Variants in TNRC6A observed in about 807,000 individuals in gnomAD.
The protein encoded by TNRC6A is trinucleotide repeat containing adaptor 6A.
A neutral mutation model predicts 221.2 loss-of-function variants in TNRC6A; 44 were observed. That is an observed-to-expected ratio of 0.20 (90% CI 0.16 to 0.26). TNRC6A has a LOEUF of 0.26. TNRC6A is among the 10% of genes least tolerant of loss of function. The pLI is 1.00. For synonymous variants in TNRC6A, 847 were observed against 838.5 expected (o/e 1.01, Z -0.18); for missense variants, 2,199 against 2,404.4 (o/e 0.91, Z 1.79).
At chr16:24,685,491 A>C (rs2055609056) in intron 2 of TNRC6A, among the ~76,000 whole-genome samples, 1 of 152,020 alleles carries the variant, frequency 6.6e-6, no homozygotes, top group African/African-American at 2.4e-5. Context: ...CACGCACCAC[A>C]ATGCCCGGTG....
intron 2 of TNRC6A, among the ~76,000 whole-genome samples, chr16:24,703,426 T>G (rs2056028845): frequency 6.6e-6 from 1 of 152,294 alleles, no homozygotes; most frequent in African/African-American, 2.4e-5. Context: ...ATGTGCTAAA[T>G]TTTGTTAGCT....
intron 23 of TNRC6A, 124 bp downstream of exon 23, chr16:24,822,271 G>T: frequency 2.2e-6 from 2 of 919,430 alleles, no homozygotes; most frequent in Non-Finnish European, 3.4e-6. Flanking sequence ...AAACAGCAGA[G>T]GAGTGGTCTG....
intron 4 of TNRC6A, among the ~76,000 whole-genome samples, chr16:24,771,135 G>A (rs1218080046): frequency 5.9e-5 from 9 of 152,126 alleles, no homozygotes; most frequent in Admixed American, 5.9e-4. Context: ...ATGGAAAATA[G>A]AACAATTTTT....
At chr16:24,712,503 G>A (rs2056223685) in intron 2 of TNRC6A, among the ~76,000 whole-genome samples, 1 of 152,104 alleles carries the variant, frequency 6.6e-6, no homozygotes, top group African/African-American at 2.4e-5. Flanking sequence ...AAACGCCTCA[G>A]TACATTTGTA....
intron 2 of TNRC6A, among the ~76,000 whole-genome samples, chr16:24,681,778 T>C (rs1462006255): frequency 6.6e-6 from 1 of 152,288 alleles, no homozygotes; most frequent in East Asian, 1.9e-4. Context: ...AATTAATTAG[T>C]CAACTACTGA....
At chr16:24,621,042 C>G (rs981414774) in intron 1 of TNRC6A, among the ~76,000 whole-genome samples, 11 of 143,008 alleles carry the variant, frequency 7.7e-5, no homozygotes, top group African/African-American at 2.6e-4. Flanking sequence ...CGAGATCACA[C>G]CATTGCACTC....
intron 8 of TNRC6A, 74 bp downstream of exon 8, chr16:24,794,793 C>T (rs967171819): frequency 8.9e-6 from 13 of 1,460,824 alleles, no homozygotes; most frequent in African/African-American, 7.2e-5. Context: ...ATTAACTTTT[C>T]GCCTGCCCAT....
chr16:24,657,785 A>G (rs1371690671), intron 2 of TNRC6A, among the ~76,000 whole-genome samples: 2 of 152,040 alleles, frequency 1.3e-5, no homozygotes, highest in Admixed American at 6.6e-5. Context: ...CTGTAAGAGA[A>G]TATTTTGTCA....
chr16:24,615,141 G>A (rs2141553280), intron 1 of TNRC6A, among the ~76,000 whole-genome samples: 1 of 152,274 alleles, frequency 6.6e-6, no homozygotes, highest in Middle Eastern at 3.4e-3. Context: ...TGAGAATAAT[G>A]TGTAAGAGGT....
chr16:24,767,353 C>T (rs1026462074), intron 4 of TNRC6A, among the ~76,000 whole-genome samples: 9 of 152,114 alleles, frequency 5.9e-5, no homozygotes, highest in Non-Finnish European at 2.9e-5. Context: ...ATTTAGTATC[C>T]TTAAACTAAA....
intron 1 of TNRC6A, among the ~76,000 whole-genome samples, chr16:24,640,604 C>T (rs977060609): frequency 1.3e-5 from 2 of 150,908 alleles, no homozygotes; most frequent in Non-Finnish European, 3.0e-5. Flanking sequence ...TGGTGCACGC[C>T]TTTGGTCCCA....
chr16:24,735,459 A>G (rs150066982), intron 2 of TNRC6A, among the ~76,000 whole-genome samples: 3 of 152,214 alleles, frequency 2.0e-5, no homozygotes, highest in African/African-American at 4.8e-5. Context: ...AGGCCAACAC[A>G]TGCATATTGC....
At chr16:24,681,956 A>T (rs1000267201) in intron 2 of TNRC6A, among the ~76,000 whole-genome samples, 8 of 152,316 alleles carry the variant, frequency 5.3e-5, no homozygotes, top group Middle Eastern at 3.4e-3. Context: ...GTACTATATT[A>T]TATTCCCGCC....
upstream of TNRC6A, among the ~76,000 whole-genome samples, chr16:24,727,562 C>T (rs2056513286): frequency 6.6e-6 from 1 of 151,742 alleles, no homozygotes; most frequent in African/African-American, 2.4e-5. Context: ...GGGATGGGGG[C>T]AACATTGTCC....
chr16:24,633,982 G>A (rs1188082916), intron 1 of TNRC6A, among the ~76,000 whole-genome samples: 1 of 151,484 alleles, frequency 6.6e-6, no homozygotes, highest in Non-Finnish European at 1.5e-5. Context: ...GTTTTGCCAT[G>A]TTGACCAGGC....
chr16:24,648,569 C>T (rs1158822552), intron 2 of TNRC6A, among the ~76,000 whole-genome samples: 5 of 152,134 alleles, frequency 3.3e-5, no homozygotes, highest in South Asian at 2.1e-4. Flanking sequence ...CGCGCCCGGC[C>T]CACAGCAACC....
chr16:24,620,325 C>T (rs1026674344), intron 1 of TNRC6A, among the ~76,000 whole-genome samples: 4 of 152,026 alleles, frequency 2.6e-5, no homozygotes, highest in African/African-American at 4.8e-5. Context: ...TAAGAGTATC[C>T]GTTTGCAATG....
intron 5 of TNRC6A, among the ~76,000 whole-genome samples, chr16:24,779,203 A>C (rs1296708480): frequency 3.3e-5 from 5 of 152,188 alleles, no homozygotes; most frequent in African/African-American, 1.2e-4. Context: ...GAAAAACGTC[A>C]TGCCTATTTC....
intron 4 of TNRC6A, among the ~76,000 whole-genome samples, chr16:24,774,469 C>T (rs538917488): frequency 2.0e-5 from 3 of 152,286 alleles, no homozygotes; most frequent in South Asian, 2.1e-4. Context: ...ATAGATCATT[C>T]ACAGTTTTTG....
Sources: gnomAD v4.1 joint callset for allele counts (sites outside exome capture counted in the v4.1 genomes callset) on GRCh38, gnomAD v4.1.1 for gene constraint, MANE v1.5 for transcripts, NCBI Gene and HGNC (gene_info 2026-07-23, HGNC 2026-07-21) for gene names.